The following GSG1L variants were observed in gnomAD, a reference collection of about 807,000 sequenced individuals.
The protein encoded by GSG1L is GSG1 like.
Under a neutral mutation model 42.1 loss-of-function variants are expected in GSG1L, and 24 were observed. That is an observed-to-expected ratio of 0.57 (90% CI 0.41 to 0.80). GSG1L has a LOEUF of 0.80. Among genes scored for constraint, GSG1L ranks in the 30% least tolerant of loss-of-function variants. The pLI is 0.00. For missense variants in GSG1L, 445 were observed against 472.2 expected (o/e 0.94, Z 0.53); for synonymous variants, 215 against 203.5 (o/e 1.06, Z -0.48).
intron 1 of GSG1L, among the ~76,000 whole-genome samples, chr16:27,996,112 T>C (rs180978027): frequency 6.6e-6 from 1 of 152,118 alleles, no homozygotes; most frequent in African/African-American, 2.4e-5. Flanking sequence ...GCGCCCTCTC[T>C]CTCTCTCTGT....
chr16:27,849,722 A>T (rs2083486157), intron 3 of GSG1L, among the ~76,000 whole-genome samples: 1 of 151,908 alleles, frequency 6.6e-6, no homozygotes, highest in Admixed American at 6.6e-5. Flanking sequence ...TATTTTAGAG[A>T]TGGAGTCTCC....
chr16:27,826,380 G>A (rs2140963442), intron 5 of GSG1L, among the ~76,000 whole-genome samples: 1 of 152,306 alleles, frequency 6.6e-6, no homozygotes, highest in African/African-American at 2.4e-5. Flanking sequence ...GCAGCCTCCT[G>A]TCCCCTTCCT....
At chr16:28,028,760 G>A (rs975549074) in intron 1 of GSG1L, among the ~76,000 whole-genome samples, 4 of 152,146 alleles carry the variant, frequency 2.6e-5, no homozygotes, top group African/African-American at 9.7e-5. Flanking sequence ...CAGGCTCGGG[G>A]CAGATCATAC....
intron 1 of GSG1L, among the ~76,000 whole-genome samples, chr16:27,991,682 G>C: frequency 6.6e-6 from 1 of 152,120 alleles, no homozygotes; most frequent in East Asian, 1.9e-4. Flanking sequence ...TGGGATTACA[G>C]GCATGAGCCA....
intron 4 of GSG1L, among the ~76,000 whole-genome samples, chr16:27,835,212 T>C (rs1317245557): frequency 6.6e-6 from 1 of 152,180 alleles, no homozygotes; most frequent in Non-Finnish European, 1.5e-5. Flanking sequence ...ATATTTAGGA[T>C]TGCAATGTCT....
At chr16:27,933,795 G>A (rs757102280) in intron 2 of GSG1L, among the ~76,000 whole-genome samples, 1 of 152,108 alleles carries the variant, frequency 6.6e-6, no homozygotes, top group Non-Finnish European at 1.5e-5. Flanking sequence ...AATTCCAGAG[G>A]GGTCTTCCAA....
intron 1 of GSG1L, among the ~76,000 whole-genome samples, chr16:27,968,799 C>A (rs2085161396): frequency 6.6e-6 from 1 of 152,162 alleles, no homozygotes; most frequent in South Asian, 2.1e-4. Flanking sequence ...CCATGCTATA[C>A]AATTCATACA....
chr16:27,791,577 C>T (rs2082753912), intron 6 of GSG1L, 110 bp from the exon 7 acceptor site: 2 of 614,872 alleles, frequency 3.3e-6, no homozygotes, highest in Non-Finnish European at 4.9e-6. Flanking sequence ...TTTACTAGGC[C>T]TTCTGCCCAT....
At chr16:27,996,050 C>A (rs1181467343) in intron 1 of GSG1L, among the ~76,000 whole-genome samples, 1 of 151,944 alleles carries the variant, frequency 6.6e-6, no homozygotes, top group Non-Finnish European at 1.5e-5. Flanking sequence ...TAAATAAAAA[C>A]ACACACAAGA....
At chr16:27,873,705 A>G (rs1433913033) in intron 3 of GSG1L, among the ~76,000 whole-genome samples, 2 of 152,250 alleles carry the variant, frequency 1.3e-5, no homozygotes, top group Non-Finnish European at 2.9e-5. Flanking sequence ...GGTCCTATCC[A>G]GAAATGAAAG....
At chr16:28,054,361 T>C (rs1244401392) in intron 1 of GSG1L, among the ~76,000 whole-genome samples, 1 of 152,192 alleles carries the variant, frequency 6.6e-6, no homozygotes, top group African/African-American at 2.4e-5. Context: ...TCCTCTTCCA[T>C]ATCTCACCCA....
chr16:28,055,147 A>T (rs911109296), intron 1 of GSG1L, among the ~76,000 whole-genome samples: 1 of 151,930 alleles, frequency 6.6e-6, no homozygotes, highest in Non-Finnish European at 1.5e-5. Context: ...CTGCAGCATT[A>T]TTCTATTTTT....
At chr16:27,993,209 T>C (rs1260887623) in intron 1 of GSG1L, among the ~76,000 whole-genome samples, 2 of 152,038 alleles carry the variant, frequency 1.3e-5, no homozygotes, top group African/African-American at 4.8e-5. Flanking sequence ...AGTGCAGTGG[T>C]GCAATCTTGG....
intron 2 of GSG1L, among the ~76,000 whole-genome samples, chr16:27,899,187 T>C (rs1338151435): frequency 6.6e-6 from 1 of 152,228 alleles, no homozygotes; most frequent in Non-Finnish European, 1.5e-5. Context: ...TCTGTGAATA[T>C]GATCTGGGAC....
At chr16:28,025,498 C>T (rs2085890506) in intron 1 of GSG1L, among the ~76,000 whole-genome samples, 1 of 152,224 alleles carries the variant, frequency 6.6e-6, no homozygotes, top group Non-Finnish European at 1.5e-5. Flanking sequence ...GGATCAATTT[C>T]ACCATCCTCC....
chr16:27,829,054 C>A (rs770069652), intron 4 of GSG1L, 98 bp from the exon 5 acceptor site: 6 of 1,183,152 alleles, frequency 5.1e-6, no homozygotes, highest in Non-Finnish European at 7.2e-6. Flanking sequence ...TGCATGGCTG[C>A]CTTTTCCTCT....
intron 1 of GSG1L, among the ~76,000 whole-genome samples, chr16:28,042,306 C>T (rs1421928361): frequency 6.6e-6 from 1 of 151,974 alleles, no homozygotes; most frequent in Non-Finnish European, 1.5e-5. Flanking sequence ...CGTGGTGGTG[C>T]ACGCCTATAA....
chr16:28,014,528 G>A (rs1192529978), intron 1 of GSG1L, among the ~76,000 whole-genome samples: 1 of 152,104 alleles, frequency 6.6e-6, no homozygotes, highest in African/African-American at 2.4e-5. Context: ...TTAAGAGACA[G>A]GGTCTCGCTC....
At chr16:27,909,650 T>C (rs1446977446) in intron 2 of GSG1L, among the ~76,000 whole-genome samples, 2 of 147,950 alleles carry the variant, frequency 1.4e-5, no homozygotes, top group Non-Finnish European at 3.0e-5. Flanking sequence ...TTTTTTTTTT[T>C]TTTTTTTTTG....
Sources: gnomAD v4.1 joint callset for allele counts (sites outside exome capture counted in the v4.1 genomes callset) on GRCh38, gnomAD v4.1.1 for gene constraint, MANE v1.5 for transcripts, NCBI Gene and HGNC (gene_info 2026-07-23, HGNC 2026-07-21) for gene names.